Variants in THSD7B observed in about 807,000 individuals in gnomAD.
THSD7B encodes the protein thrombospondin type 1 domain containing 7B, also known as thrombospondin type-1 domain-containing protein 7B.
Under a neutral mutation model 213.6 loss-of-function variants are expected in THSD7B, and 138 were observed. That is an observed-to-expected ratio of 0.65 (90% CI 0.56 to 0.74). The LOEUF (loss-of-function observed/expected upper bound fraction) is 0.74, where lower values mean the gene tolerates loss of function less well. Ranked by LOEUF, THSD7B falls within the 30% of genes least tolerant of loss-of-function variation. The probability of loss-of-function intolerance (pLI) is 0.00; values close to 1 mark genes in which losing one functional copy is unlikely to be tolerated. For synonymous variants in THSD7B, 742 were observed against 687.0 expected (o/e 1.08, Z -1.25); for missense variants, 1,931 against 1,991.5 (o/e 0.97, Z 0.58).
intron 17 of THSD7B, among the ~76,000 whole-genome samples, chr2:137,612,198 C>T (rs1213250196): frequency 6.6e-6 from 1 of 152,142 alleles, no homozygotes; most frequent in East Asian, 1.9e-4. Context: ...TTTATCAAAA[C>T]ACATAGTCCC....
intron 15 of THSD7B, among the ~76,000 whole-genome samples, chr2:137,475,624 C>T (rs1688176011): frequency 1.3e-5 from 2 of 152,080 alleles, no homozygotes; most frequent in African/African-American, 4.8e-5. Context: ...ACATAAGGAC[C>T]TCCAGTTCCA....
At chr2:137,586,562 C>G (rs1573726974) in intron 17 of THSD7B, among the ~76,000 whole-genome samples, 1 of 152,160 alleles carries the variant, frequency 6.6e-6, no homozygotes. Flanking sequence ...ATTTGCTTGT[C>G]TGTAAAGGAT....
At chr2:137,094,101 G>A (rs1047889746) in intron 3 of THSD7B, among the ~76,000 whole-genome samples, 2 of 152,128 alleles carry the variant, frequency 1.3e-5, no homozygotes. Flanking sequence ...TTTTGATACT[G>A]TACAAATTAC....
rs35848268 is a variant in THSD7B at position 136,952,434 on chromosome 2, C to CTTT, written c.139+70134_139+70136dup. On this transcript the variant is annotated intron_variant, in intron 2 of 27. Coordinates refer to ENST00000409968, the MANE Select transcript of THSD7B (RefSeq NM_001316349.2). Reference sequence around the variant, plus strand: ...TGAGAGACATAGTTTGGGCAGAAAACTTTTTTTTTTTTTTTTTTTGTGGGT... The same window carrying CTTT: ...TGAGAGACATAGTTTGGGCAGAAAACTTTTTTTTTTTTTTTTTTTTTTGTGGGT... Among the ~76,000 whole-genome samples, 269 of 125,566 alleles carry CTTT rather than the reference C, an allele frequency of 2.1e-3. 3 individuals carry two copies. The highest frequency in any genetic ancestry group is 3.3e-3 in the Non-Finnish European group (201 of 61,756). The allele number at this position is 125,566 out of a possible 152,430, so 82.4% of individuals were successfully genotyped here.
At chr2:136,839,898 T>C (rs1426400145) in intron 1 of THSD7B, among the ~76,000 whole-genome samples, 2 of 152,178 alleles carry the variant, frequency 1.3e-5, no homozygotes, top group Non-Finnish European at 2.9e-5. Flanking sequence ...TTACACACAA[T>C]TTCAAGTTTA....
intron 2 of THSD7B, among the ~76,000 whole-genome samples, chr2:136,918,268 C>T (rs142507502): frequency 1.8e-4 from 27 of 152,186 alleles, no homozygotes; most frequent in African/African-American, 2.4e-4. Context: ...AGGAACCTTT[C>T]GTTATATTAT....
At chr2:137,417,449 CT>C (rs1200484804) in intron 14 of THSD7B, among the ~76,000 whole-genome samples, 1 of 151,508 alleles carries the variant, frequency 6.6e-6, no homozygotes, top group Non-Finnish European at 1.5e-5. Context: ...TTTTATTTTA[CT>C]TTATTTTTGA....
chr2:137,546,782 A>AC (rs1267712021), intron 15 of THSD7B, among the ~76,000 whole-genome samples: 1 of 151,516 alleles, frequency 6.6e-6, no homozygotes, highest in African/African-American at 2.4e-5. Context: ...CCATTCAGTA[A>AC]CACATTTTGT....
intron 7 of THSD7B, among the ~76,000 whole-genome samples, chr2:137,214,251 C>A (rs923770219): frequency 6.6e-6 from 1 of 152,028 alleles, no homozygotes; most frequent in African/African-American, 2.4e-5. Context: ...CCTGGATTTT[C>A]CTTCTGTCTA....
chr2:137,304,766 G>A (rs61358030), intron 12 of THSD7B, among the ~76,000 whole-genome samples: 9,359 of 151,486 alleles, frequency 0.062, 541 homozygotes, highest in African/African-American at 0.14. Flanking sequence ...CCTTCTTTCC[G>A]TTTTTGTTTG....
chr2:136,879,249 G>T (rs1342197416), intron 1 of THSD7B, among the ~76,000 whole-genome samples: 1 of 152,108 alleles, frequency 6.6e-6, no homozygotes, highest in East Asian at 1.9e-4. Context: ...TTATTTCTGA[G>T]GGCTCTGTTC....
At chr2:137,334,162 TTCTCTCTTTCTCTCTC>T (rs1434300997) in intron 12 of THSD7B, among the ~76,000 whole-genome samples, 3 of 86,898 alleles carry the variant, frequency 3.5e-5, no homozygotes, top group African/African-American at 1.1e-4. Context: ...ATTTCTTTCT[TTCTCTCTTTCTCTCTC>T]TCTCTCTCTC....
chr2:137,069,354 G>A (rs901706305), intron 3 of THSD7B, among the ~76,000 whole-genome samples: 13 of 151,964 alleles, frequency 8.6e-5, no homozygotes, highest in Admixed American at 2.0e-4. Context: ...TGGAGTAAAA[G>A]TACATCTGAA....
intron 7 of THSD7B, among the ~76,000 whole-genome samples, chr2:137,191,849 G>A (rs990805735): frequency 6.6e-5 from 10 of 152,030 alleles, no homozygotes; most frequent in African/African-American, 2.2e-4. Flanking sequence ...GCATTTTACC[G>A]ATTACACATT....
intron 2 of THSD7B, among the ~76,000 whole-genome samples, chr2:136,890,365 T>C (rs1312856992): frequency 3.1e-4 from 3 of 9,578 alleles, no homozygotes; most frequent in African/African-American, 7.1e-4. Flanking sequence ...CTTCTTCTTC[T>C]TCTTCTTCTT....
chr2:136,876,519 T>C (rs1683528351), intron 1 of THSD7B, among the ~76,000 whole-genome samples: 1 of 152,210 alleles, frequency 6.6e-6, no homozygotes. Context: ...TAGCCTGGCT[T>C]CAGTCCACCA....
At position 136,828,329 on chromosome 2, in the gene THSD7B, G is replaced by A. The variant is rs181756371; in HGVS notation, c.-35-53815G>A. ...AACCCAGGAACTATCATTGACAACT[G>A]TCTCTTTCCTACACCCATATCCGTT... On this transcript the variant is annotated intron_variant, in intron 1 of 27. Coordinates refer to ENST00000409968, the MANE Select transcript of THSD7B (RefSeq NM_001316349.2). Among the ~76,000 whole-genome samples, 6 of 152,078 alleles carry A rather than the reference G, an allele frequency of 3.9e-5. No homozygotes were observed. The East Asian group carries it at 1.2e-3, about 29-fold the overall frequency.
chr2:137,454,466 C>G (rs1687721839), intron 15 of THSD7B, among the ~76,000 whole-genome samples: 1 of 149,364 alleles, frequency 6.7e-6, no homozygotes, highest in African/African-American at 2.5e-5. Flanking sequence ...ATCTATCTAT[C>G]TATCTATCTA....
chr2:137,089,828 G>T (rs958355447), intron 3 of THSD7B, among the ~76,000 whole-genome samples: 3 of 151,992 alleles, frequency 2.0e-5, no homozygotes, highest in African/African-American at 7.3e-5. Context: ...GGCCAACAGG[G>T]TGAAGCCCAG....
Sources: allele counts gnomAD v4.1 joint callset (sites outside exome capture counted in the v4.1 genomes callset), GRCh38; gene constraint gnomAD v4.1.1; transcripts MANE v1.5; gene names NCBI Gene and HGNC (gene_info 2026-07-23, HGNC 2026-07-21).